The following CLN6 variants were observed in gnomAD, a reference collection of about 807,000 sequenced individuals.
The protein encoded by CLN6 is CLN6 transmembrane ER protein, also known as ceroid-lipofuscinosis neuronal protein 6.
In CLN6, 22 loss-of-function variants were observed where a neutral mutation model predicts 33.3. The observed-to-expected ratio is 0.66, with a 90% CI of 0.47 to 0.94. CLN6 has a LOEUF of 0.94. CLN6 is among the 40% of genes least tolerant of loss of function. The pLI is 0.00. For synonymous variants in CLN6, 201 were observed against 174.6 expected (o/e 1.15, Z -1.19); for missense variants, 387 against 417.1 (o/e 0.93, Z 0.63).
At chr15:68,214,212 CAG>C in intron 3 of CLN6, 76 bp downstream of exon 3, 1 of 1,124,136 alleles carries the variant, frequency 8.9e-7, no homozygotes. Context: ...AGTCAGGACA[CAG>C]GGCTTAGCAT....
intron 1 of CLN6, among the ~76,000 whole-genome samples, chr15:68,245,675 GTTA>G (rs1272736627): frequency 6.6e-6 from 1 of 152,094 alleles, no homozygotes; most frequent in Non-Finnish European, 1.5e-5. Flanking sequence ...GTTATTCAAT[GTTA>G]TTATTAAGTT....
Position 68,256,845 on chromosome 15 carries a change from C to T in CLN6, c.24G>A (p.Glu8=). The change falls in exon 1 of 7, where the codon GAG becomes GAA. Residue 8 remains glutamate (E), a synonymous_variant. Coordinates refer to the CLN6 transcript ENST00000538696. This position sits in a 1 kb window ranked among gnomAD's most constrained non-coding sequence, Gnocchi z 4.1. Reference sequence around the variant, plus strand: ...GCCGGGGCCTGCCTCTCGCTCGCCGCTCCTTCCCGGCAACGGCTGCCATTT... The same window carrying T: ...GCCGGGGCCTGCCTCTCGCTCGCCGTTCCTTCCCGGCAACGGCTGCCATTT... The T allele has an allele frequency of 4.3e-6, 3 of 697,528 alleles. No individual in the cohort carries two copies. Among genetic ancestry groups the T allele is most frequent in the Non-Finnish European group, 7.8e-6 (3 of 382,406 alleles). 43.2% of individuals were successfully genotyped at this position (697,528 alleles called of 1,614,324 possible).
Position 68,236,688 on chromosome 15 carries a change from A to T in CLN6, c.180-18038T>A, listed in dbSNP as rs1892221789. The stretch of plus-strand genomic sequence containing the variant: ...TAATGACTTCACAACTTCTGTGAAT[A>T]TACTAAAAACCACTGAATTATATAC... On this transcript the variant is annotated intron_variant, in intron 1 of 6. Coordinates refer to the CLN6 transcript ENST00000538696. The surrounding 1 kb of genome is among the most constrained non-coding windows in gnomAD (Gnocchi z 4.5). Among the ~76,000 whole-genome samples the T allele has an allele frequency of 6.6e-6, 1 of 152,258 alleles. No individual in the cohort carries two copies. The highest frequency in any genetic ancestry group is 1.5e-5 in the Non-Finnish European group (1 of 68,044).
At chr15:68,234,560 C>G (rs1051016937), upstream of CLN6, among the ~76,000 whole-genome samples, 1 of 152,180 alleles carries the variant, frequency 6.6e-6, no homozygotes, top group Non-Finnish European at 1.5e-5. The surrounding 1 kb of genome is among the most constrained non-coding windows in gnomAD (Gnocchi z 4.1). Context: ...TCAGACCCTG[C>G]CTAGAAGCCT....
intron 2 of CLN6, among the ~76,000 whole-genome samples, chr15:68,216,255 GC>G (rs1005856994): frequency 2.6e-5 from 4 of 152,094 alleles, no homozygotes; most frequent in African/African-American, 9.7e-5. Context: ...AGCTTCTTTG[GC>G]CCCCAGTATG....
Position 68,227,454 on chromosome 15 carries a change from A to G in CLN6, c.83+2048T>C, listed in dbSNP as rs1240668949. ...CGGATGCAGCAGAGGAAATCCAAGC[A>G]TCCTAGGAACTGGACAGGATGATTC... On this transcript the variant is annotated intron_variant, in intron 1 of 6. Coordinates refer to ENST00000249806, the MANE Select transcript of CLN6 (RefSeq NM_017882.3). The surrounding 1 kb of genome is among the most constrained non-coding windows in gnomAD (Gnocchi z 4.1). Among the ~76,000 whole-genome samples, 1 of 152,250 alleles carries G rather than the reference A, an allele frequency of 6.6e-6. No individual in the cohort carries two copies. The highest frequency in any genetic ancestry group is 1.5e-5 in the Non-Finnish European group (1 of 68,042).
At chr15:68,214,810 G>C (rs2093216141) in intron 2 of CLN6, 1 of 289,076 alleles carries the variant, frequency 3.5e-6, no homozygotes, top group East Asian at 9.0e-5. Context: ...TATAACACAA[G>C]AGAGGTGGCC....
At chr15:68,226,601 G>A (rs2093252736) in intron 1 of CLN6, among the ~76,000 whole-genome samples, 1 of 151,958 alleles carries the variant, frequency 6.6e-6, no homozygotes, top group Admixed American at 6.6e-5. Flanking sequence ...CGAGTAGCTG[G>A]GACTACATGC....
chr15:68,255,114 C>G (rs1388493277), intron 1 of CLN6, among the ~76,000 whole-genome samples: 2 of 152,146 alleles, frequency 1.3e-5, no homozygotes, highest in African/African-American at 4.8e-5. Context: ...TGGGGAAAAC[C>G]CTTTTCCCTT....
Position 68,242,279 on chromosome 15 carries a change from TAAATCA to T in CLN6, c.179+14405_179+14410del, listed in dbSNP as rs1162865986. On this transcript the variant is annotated intron_variant, in intron 1 of 6. Coordinates refer to the CLN6 transcript ENST00000538696. The surrounding 1 kb of genome is among the most constrained non-coding windows in gnomAD (Gnocchi z 5.0). Reference sequence around the variant, plus strand: ...TCTTGGAACTGAGAAATACATTTGCTAAATCAAAAAATTCATTAGAGACTCTCAACA... The same window carrying T: ...TCTTGGAACTGAGAAATACATTTGCTAAAAATTCATTAGAGACTCTCAACA... 6.6e-6 allele frequency among the ~76,000 whole-genome samples: 1 copy of T among 152,076 alleles called. No individual in the cohort carries two copies. Among genetic ancestry groups the T allele is most frequent in the Non-Finnish European group, 1.5e-5 (1 of 68,016 alleles).
rs140653271 is a variant in CLN6 at position 68,208,335 on chromosome 15, G to C, written c.741C>G (p.His247Gln). The C allele has an allele frequency of 1.2e-6, 2 of 1,614,080 alleles. No individual in the cohort carries two copies. The highest frequency in any genetic ancestry group is 1.7e-5 in the Admixed American group (1 of 60,028). ...CCAGGAAGAGGCGCTTGCGCTTCTG[G>C]TGCAGGACGAGGGCCAGCATGGCGA... ...TFFAMLALVL[H>Q]QKRKRLFLDS... Residue 247 changes from histidine (H) to glutamine (Q), a missense_variant, in exon 7 of 7, where the codon CAC (histidine) becomes CAG (glutamine). Coordinates refer to ENST00000249806, the MANE Select transcript of CLN6 (RefSeq NM_017882.3). The surrounding 1 kb of genome is among the most constrained non-coding windows in gnomAD (Gnocchi z 5.8).
chr15:68,233,326 G>A (rs1418579237), upstream of CLN6, among the ~76,000 whole-genome samples: 1 of 152,066 alleles, frequency 6.6e-6, no homozygotes, highest in Non-Finnish European at 1.5e-5. The surrounding 1 kb of genome is among the most constrained non-coding windows in gnomAD (Gnocchi z 4.3). Context: ...GTGGTGCCCT[G>A]AGTGAAGAGA....
At chr15:68,251,372 A>G (rs1892376619) in intron 1 of CLN6, among the ~76,000 whole-genome samples, 3 of 152,176 alleles carry the variant, frequency 2.0e-5, no homozygotes, top group Admixed American at 6.6e-5. Context: ...ACATTGTTCC[A>G]TTAAGAGCAG....
At position 68,218,493 on chromosome 15, in the gene CLN6, T is replaced by A. The variant is rs867808713; in HGVS notation, c.198+43A>T. On this transcript the variant is annotated intron_variant, in intron 2 of 6. Coordinates refer to ENST00000249806, the MANE Select transcript of CLN6 (RefSeq NM_017882.3). ...CGGCAAATTCAAGCCACACTAAGTG[T>A]CCTCAGTGCTGGTCAGAGCCCTGTG... 2.9e-6 allele frequency: 4 copies of A among 1,372,420 alleles called. No individual in the cohort carries two copies. In the Middle Eastern group the frequency reaches 7.1e-4, roughly 244 times the overall value. 85.0% of individuals were successfully genotyped at this position (1,372,420 alleles called of 1,614,324 possible). A position where few individuals can be genotyped will look rare whatever the true frequency, so the allele number is the denominator to read the frequency against.
upstream of CLN6, among the ~76,000 whole-genome samples, chr15:68,233,591 T>A (rs1201414836): frequency 6.6e-6 from 1 of 152,174 alleles, no homozygotes; most frequent in African/African-American, 2.4e-5. This position sits in a 1 kb window ranked among gnomAD's most constrained non-coding sequence, Gnocchi z 4.3. Flanking sequence ...CAAAACATCT[T>A]CCCACACTGC....
At chr15:68,218,458 T>C in intron 2 of CLN6, 78 bp downstream of exon 2, 3 of 1,030,712 alleles carry the variant, frequency 2.9e-6, no homozygotes, top group Non-Finnish European at 3.1e-6. Flanking sequence ...GTGACTTGTC[T>C]AAGGTCACTC....
At chr15:68,250,493 C>T (rs1183378765) in intron 1 of CLN6, among the ~76,000 whole-genome samples, 2 of 151,842 alleles carry the variant, frequency 1.3e-5, no homozygotes, top group African/African-American at 2.4e-5. Flanking sequence ...GGCTTAGTGG[C>T]GCATGCCTGT....
chr15:68,251,967 CTTTT>C (rs35907860), intron 1 of CLN6, among the ~76,000 whole-genome samples: 2 of 71,890 alleles, frequency 2.8e-5, no homozygotes, highest in Admixed American at 2.0e-4. Flanking sequence ...ATGTGTGAAT[CTTTT>C]TTTTTTTTTT....
Position 68,211,258 on chromosome 15 carries a change from C to G in CLN6, c.542+5G>C. On this transcript the variant is annotated splice_donor_5th_base_variant and intron_variant, in intron 5 of 6. Coordinates refer to ENST00000249806, the MANE Select transcript of CLN6 (RefSeq NM_017882.3). The surrounding 1 kb of genome is among the most constrained non-coding windows in gnomAD (Gnocchi z 5.9). ...CTGGGATAGACAGATGGGCCCATCA[C>G]TCACCACATGCAGTGACCCAGGTAC... 6.2e-7 allele frequency: 1 copy of G among 1,613,924 alleles called. No homozygotes were observed. The highest frequency in any genetic ancestry group is 8.5e-7 in the Non-Finnish European group (1 of 1,179,882).
Sources: gnomAD v4.1 joint callset for allele counts (sites outside exome capture counted in the v4.1 genomes callset) on GRCh38, gnomAD v4.1.1 for gene constraint, Gnocchi (gnomAD v3.1) non-coding constraint, MANE v1.5 for transcripts, NCBI Gene and HGNC (gene_info 2026-07-23, HGNC 2026-07-21) for gene names.